RIMS1: variants seen among roughly 807,000 people sequenced by gnomAD.
RIMS1 encodes the protein regulating synaptic membrane exocytosis 1.
A neutral mutation model predicts 214.1 loss-of-function variants in RIMS1; 83 were observed. That is an observed-to-expected ratio of 0.39 (90% confidence interval 0.32 to 0.47). The LOEUF is 0.47. RIMS1 is among the 20% of genes least tolerant of loss of function. The pLI is 0.99. For missense variants in RIMS1, 2,050 were observed against 2,161.8 expected (o/e 0.95, Z 1.03); for synonymous variants, 793 against 786.8 (o/e 1.01, Z -0.13).
At chr6:72,137,434 T>A (rs1027665625) in intron 4 of RIMS1, among the ~76,000 whole-genome samples, 1 of 151,942 alleles carries the variant, frequency 6.6e-6, no homozygotes, top group African/African-American at 2.4e-5. Flanking sequence ...TTATTTGTAT[T>A]TCTTTGATTT....
At chr6:72,059,450 A>G (rs1256785444) in intron 2 of RIMS1, among the ~76,000 whole-genome samples, 2 of 151,990 alleles carry the variant, frequency 1.3e-5, no homozygotes, top group Non-Finnish European at 2.9e-5. Context: ...GCTGGTCTTG[A>G]ACTCCTGGGC....
At chr6:72,316,337 G>T (rs1327045858) in intron 28 of RIMS1, among the ~76,000 whole-genome samples, 3 of 152,170 alleles carry the variant, frequency 2.0e-5, no homozygotes, top group East Asian at 3.9e-4. Flanking sequence ...AGACAAGGAA[G>T]GGCTATTCCA....
chr6:72,273,865 G>A (rs916590624), intron 22 of RIMS1, among the ~76,000 whole-genome samples: 3 of 152,086 alleles, frequency 2.0e-5, no homozygotes, highest in Admixed American at 2.0e-4. Flanking sequence ...CTACTTAACT[G>A]TGCTCCTTAC....
intron 26 of RIMS1, among the ~76,000 whole-genome samples, chr6:72,299,285 CAAAACACAT>C (rs961848828): frequency 5.3e-5 from 8 of 151,796 alleles, no homozygotes; most frequent in Non-Finnish European, 1.0e-4. Context: ...TGAATCATAA[CAAAACACAT>C]CATATTATCT....
chr6:72,011,079 T>C (rs1271172666), intron 2 of RIMS1, among the ~76,000 whole-genome samples: 1 of 152,176 alleles, frequency 6.6e-6, no homozygotes, highest in East Asian at 1.9e-4. Flanking sequence ...TTTCAGACTA[T>C]ACTTCAAGGC....
At chr6:72,084,850 A>G (rs145139454) in intron 2 of RIMS1, among the ~76,000 whole-genome samples, 112 of 152,286 alleles carry the variant, frequency 7.4e-4, no homozygotes, top group African/African-American at 2.5e-3. Flanking sequence ...GATGAACTTC[A>G]TTTTTAACAA....
Position 72,182,527 on chromosome 6 carries a change from G to C in RIMS1, c.1056G>C (p.Gln352His), listed in dbSNP as rs2048528333. 6.4e-7 allele frequency: 1 copy of C among 1,572,998 alleles called. No individual in the cohort carries two copies. The highest frequency in any genetic ancestry group is 2.4e-5 in the East Asian group (1 of 42,406). Residue 352 changes from glutamine to histidine, a missense_variant, in exon 6 of 34, where the codon CAG (glutamine) becomes CAC (histidine). Transcript: ENST00000521978. ...AGCAAAGAAAAGAGGAGGATTATCAGACCAGGTACCGCAGCGACCCGAACC... is the reference window on the plus strand; with the variant it reads ...AGCAAAGAAAAGAGGAGGATTATCACACCAGGTACCGCAGCGACCCGAACC... ...EEKQRKEEDY[Q>H]TRYRSDPNLA...
At chr6:71,988,264 C>G (rs1351999097) in intron 2 of RIMS1, among the ~76,000 whole-genome samples, 1 of 152,132 alleles carries the variant, frequency 6.6e-6, no homozygotes, top group Non-Finnish European at 1.5e-5. Context: ...ATACCACCAG[C>G]TTTACTGAGT....
At chr6:72,146,880 G>A (rs954570466) in intron 4 of RIMS1, among the ~76,000 whole-genome samples, 4 of 152,112 alleles carry the variant, frequency 2.6e-5, no homozygotes, top group African/African-American at 9.7e-5. Context: ...AAATTTTGAT[G>A]TAAAACCTAG....
intron 1 of RIMS1, among the ~76,000 whole-genome samples, chr6:71,953,512 A>G (rs534552106): frequency 6.6e-6 from 1 of 152,314 alleles, no homozygotes; most frequent in Admixed American, 6.5e-5. Context: ...GCAGGGGGGA[A>G]AAAGCATTAA....
Position 72,403,036 on chromosome 6 carries a change from A to ACTT in RIMS1, c.*2325_*2327dup, listed in dbSNP as rs2154465748. On this transcript the variant is annotated 3_prime_UTR_variant, in exon 34 of 34. Coordinates refer to ENST00000521978, the MANE Select transcript of RIMS1 (RefSeq NM_014989.7). ...CCTGTCTAAGTGAGCACATGACTAT[A>ACTT]CTTCTGAAAAGTGGCATTATTAAAA... 6.6e-6 allele frequency: 1 copy of ACTT among 152,438 alleles called. No homozygotes were observed. The highest frequency in any genetic ancestry group is 2.4e-5 in the African/African-American group (1 of 41,576). 9.4% of individuals were successfully genotyped at this position (152,438 alleles called of 1,614,324 possible).
At chr6:72,295,302 C>A (rs2093950826) in intron 26 of RIMS1, among the ~76,000 whole-genome samples, 1 of 151,596 alleles carries the variant, frequency 6.6e-6, no homozygotes, top group South Asian at 2.1e-4. Context: ...ATAGTCTCTA[C>A]AAAACAACTA....
intron 4 of RIMS1, among the ~76,000 whole-genome samples, chr6:72,171,577 C>T (rs1358974549): frequency 1.3e-5 from 2 of 152,070 alleles, no homozygotes; most frequent in Admixed American, 6.5e-5. Flanking sequence ...ATTCTCAAAA[C>T]AACTCAGTGA....
chr6:72,100,028 T>G (rs952430941), intron 4 of RIMS1, 42 bp downstream of exon 4: 2 of 1,516,632 alleles, frequency 1.3e-6, no homozygotes, highest in Non-Finnish European at 1.8e-6. Context: ...GTTATTGTAT[T>G]GTTGTGAACT....
intron 29 of RIMS1, among the ~76,000 whole-genome samples, chr6:72,369,580 T>A (rs1428517990): frequency 9.9e-5 from 15 of 152,234 alleles, no homozygotes; most frequent in Admixed American, 9.8e-4. Context: ...AAGCCTGGAC[T>A]CTGCTCTTAA....
At chr6:71,967,865 T>C (rs1156829677) in intron 1 of RIMS1, among the ~76,000 whole-genome samples, 1 of 152,198 alleles carries the variant, frequency 6.6e-6, no homozygotes, top group Non-Finnish European at 1.5e-5. Flanking sequence ...TGTCCATGTT[T>C]TCCTGTATTA....
chr6:72,242,504 A>G, intron 10 of RIMS1, 67 bp downstream of exon 10: 1 of 1,139,040 alleles, frequency 8.8e-7, no homozygotes, highest in Non-Finnish European at 1.3e-6. Flanking sequence ...TTTAAAAAGA[A>G]TTTTATACAT....
At chr6:72,397,575 C>A (rs1002377679) in intron 31 of RIMS1, among the ~76,000 whole-genome samples, 6 of 152,106 alleles carry the variant, frequency 3.9e-5, no homozygotes, top group African/African-American at 1.4e-4. Context: ...AATTTAAAAT[C>A]TTGGAATTTG....
chr6:72,253,254 G>A (rs77193778), intron 16 of RIMS1, among the ~76,000 whole-genome samples: 1,713 of 152,228 alleles, frequency 0.011, 10 homozygotes, highest in Non-Finnish European at 0.017. Flanking sequence ...GGTGCATGGC[G>A]GGGTTTAAAA....
Sources: allele counts gnomAD v4.1 joint callset (sites outside exome capture counted in the v4.1 genomes callset), GRCh38; gene constraint gnomAD v4.1.1; transcripts MANE v1.5; gene names NCBI Gene and HGNC (gene_info 2026-07-23, HGNC 2026-07-21).